KCNIP2: variants seen among roughly 807,000 people sequenced by gnomAD.
KCNIP2 encodes the protein potassium voltage-gated channel interacting protein 2.
KCNIP2 carries 19 observed loss-of-function variants against 39.0 expected under a neutral mutation model. That is an observed-to-expected ratio of 0.49 (90% CI 0.34 to 0.71). The LOEUF is 0.71. Ranked by LOEUF, KCNIP2 falls within the 30% of genes least tolerant of loss-of-function variation. KCNIP2 has a pLI of 0.01. For missense variants in KCNIP2, 261 were observed against 346.0 expected (o/e 0.75, Z 1.95); for synonymous variants, 111 against 131.2 (o/e 0.85, Z 1.05).
Position 101,829,172 on chromosome 10 carries a change from G to A in KCNIP2, c.251C>T (p.Ser84Phe), listed in dbSNP as rs760430839. Residue 84 changes from serine to phenylalanine, a missense_variant, in exon 4 of 10, where the codon TCC becomes TTC. Ser to Phe is a radical substitution (Grantham distance 155, BLOSUM62 -2). Coordinates refer to ENST00000356640, the MANE Select transcript of KCNIP2 (RefSeq NM_173191.3). ...ACCCTCAGGCCGGTGACACACGGTGGACAATTCAAATTCATCGTCCACGCT... is the reference window on the plus strand; with the variant it reads ...ACCCTCAGGCCGGTGACACACGGTGAACAATTCAAATTCATCGTCCACGCT... ...PDSVDDEFEL[S>F]TVCHRPEGLE... 1.2e-6 allele frequency: 2 copies of A among 1,614,020 alleles called. No individual in the cohort carries two copies. The highest frequency in any genetic ancestry group is 1.1e-5 in the South Asian group (1 of 91,082).
In KCNIP2 at chr10:101,828,779, C is replaced by A. The variant is rs1394516618; in HGVS notation, c.349-83G>T. On this transcript the variant is annotated intron_variant, in intron 4 of 9. Transcript: ENST00000356640. The surrounding 1 kb of genome is among the most constrained non-coding windows in gnomAD (Gnocchi z 6.6). Reference sequence around the variant, plus strand: ...CCCCACCCTCCATGGCCCAAGACTCCCAGGGAGGGGGATAATCTTCAAGCC... The same window carrying A: ...CCCCACCCTCCATGGCCCAAGACTCACAGGGAGGGGGATAATCTTCAAGCC... 6.2e-7 allele frequency: 1 copy of A among 1,611,202 alleles called. No homozygotes were observed. Among genetic ancestry groups the A allele is most frequent in the South Asian group, 1.1e-5 (1 of 90,722 alleles).
chr10:101,837,140 T>G (rs1437736354), intron 1 of KCNIP2, among the ~76,000 whole-genome samples: 1 of 152,164 alleles, frequency 6.6e-6, no homozygotes, highest in Non-Finnish European at 1.5e-5. Context: ...AGATAATATT[T>G]ATCCAGCACA....
At chr10:101,830,833 C>T (rs531754181) in intron 2 of KCNIP2, among the ~76,000 whole-genome samples, 5 of 149,294 alleles carry the variant, frequency 3.3e-5, no homozygotes, top group Admixed American at 1.3e-4. Context: ...TAGGGCACGC[C>T]CCCCCACACA....
In KCNIP2 at chr10:101,831,344, C is replaced by T. The variant is rs72546682; in HGVS notation, c.74-177G>A. Among the ~76,000 whole-genome samples the T allele has an allele frequency of 9.4e-3, 1,425 of 152,262 alleles. 19 individuals are homozygous for T. The highest frequency in any genetic ancestry group is 0.033 in the African/African-American group (1,353 of 41,534). ...TCGGGTTAGGGGAGCCCAGTGAGTCCATAGAGGTGAGGCTCAGGCACTTGG... is the reference window on the plus strand; with the variant it reads ...TCGGGTTAGGGGAGCCCAGTGAGTCTATAGAGGTGAGGCTCAGGCACTTGG... On this transcript the variant is annotated intron_variant, in intron 1 of 9. Transcript: ENST00000356640.
rs556862585 is a variant in KCNIP2 at position 101,837,342 on chromosome 10, A to AT, written c.73+6153dup. ...CTGCTTATCTTGGGAAAAAAGAGTG[A>AT]TTTTTTTTCCAAGATAACAGCTGAC... On this transcript the variant is annotated intron_variant, in intron 1 of 9. Transcript: ENST00000356640. Among the ~76,000 whole-genome samples the AT allele has an allele frequency of 1.2e-4, 18 of 151,906 alleles. No homozygotes were observed. In the South Asian group the frequency reaches 2.9e-3, roughly 25 times the overall value.
intron 2 of KCNIP2, chr10:101,830,347 G>A (rs2065924269): frequency 3.3e-6 from 4 of 1,207,410 alleles, no homozygotes; most frequent in African/African-American, 3.2e-5. Context: ...CCATCCTGTC[G>A]GGGCATAGGC....
intron 1 of KCNIP2, among the ~76,000 whole-genome samples, chr10:101,835,074 G>T (rs1487678511): frequency 2.0e-5 from 3 of 152,184 alleles, no homozygotes; most frequent in Non-Finnish European, 2.9e-5. Context: ...TGCATGGGGA[G>T]TGAGGTTCCT....
At chr10:101,829,803 C>T in intron 3 of KCNIP2, 41 bp downstream of exon 3, 2 of 945,670 alleles carry the variant, frequency 2.1e-6, no homozygotes, top group Non-Finnish European at 2.7e-6. Flanking sequence ...GATGGCAAAG[C>T]CGCCCTGCCC....
At position 101,828,125 on chromosome 10, in the gene KCNIP2, C is replaced by A. The variant is rs541911075; in HGVS notation, c.597+26G>T. 6.9e-6 allele frequency: 11 copies of A among 1,601,494 alleles called. No homozygotes were observed. The South Asian group carries it at 1.2e-4, about 18-fold the overall frequency. ...ACGCCACCCCCATCACCGCCACAGACCCCCAGCCCTTCAGTTGCCCTGCAC... is the reference window on the plus strand; with the variant it reads ...ACGCCACCCCCATCACCGCCACAGAACCCCAGCCCTTCAGTTGCCCTGCAC... On this transcript the variant is annotated intron_variant, in intron 7 of 9. Transcript: ENST00000356640. This position sits in a 1 kb window ranked among gnomAD's most constrained non-coding sequence, Gnocchi z 6.6.
chr10:101,829,602 GCCCC>G, intron 3 of KCNIP2: 3 of 202,404 alleles, frequency 1.5e-5, no homozygotes, highest in Non-Finnish European at 2.9e-5. Flanking sequence ...CCCCAGCCTT[GCCCC>G]GCCCAAACCC....
chr10:101,842,931 G>T (rs2066374852), intron 1 of KCNIP2, among the ~76,000 whole-genome samples: 1 of 152,192 alleles, frequency 6.6e-6, no homozygotes, highest in Non-Finnish European at 1.5e-5. Flanking sequence ...GGCTTACAAA[G>T]AGACAAGCCA....
At chr10:101,842,253 A>G (rs139278801) in intron 1 of KCNIP2, among the ~76,000 whole-genome samples, 1 of 152,326 alleles carries the variant, frequency 6.6e-6, no homozygotes, top group East Asian at 1.9e-4. Context: ...ATACATGGAA[A>G]TGTACCCAGG....
intron 2 of KCNIP2, among the ~76,000 whole-genome samples, chr10:101,830,831 GC>G (rs907851127): frequency 3.4e-5 from 5 of 144,966 alleles, no homozygotes; most frequent in African/African-American, 1.3e-4. Flanking sequence ...GGTAGGGCAC[GC>G]CCCCCCACAC....
At position 101,827,946 on chromosome 10, in the gene KCNIP2, G is replaced by A. The variant is rs1192089646; in HGVS notation, c.645C>T (p.Tyr215=). The change falls in exon 8 of 10, where the codon TAC becomes TAT. Residue 215 remains tyrosine (Y), a synonymous_variant. Transcript: ENST00000356640. ...CCTCCTCCCGGAGTGCAGGGTACGT[G>A]TACTTGCCCATCATGTCATAGATGG... is the stretch of plus-strand genomic sequence containing the variant. ...MKSIYDMMGK[Y]TYPALREEAP... 2 of 1,613,954 alleles carry A rather than the reference G, an allele frequency of 1.2e-6. No individual in the cohort carries two copies. The highest frequency in any genetic ancestry group is 2.7e-5 in the African/African-American group (2 of 74,908).
intron 1 of KCNIP2, among the ~76,000 whole-genome samples, chr10:101,839,284 T>A (rs1035258295): frequency 2.0e-5 from 3 of 152,224 alleles, no homozygotes; most frequent in Non-Finnish European, 4.4e-5. Context: ...ATGTATGAAC[T>A]TGCTAGCTGA....
intron 1 of KCNIP2, among the ~76,000 whole-genome samples, chr10:101,839,568 A>T (rs874885): frequency 0.54 from 82,415 of 151,766 alleles, 22,677 homozygotes; most frequent in East Asian, 0.72. Context: ...CCTCCTGCTC[A>T]GTAAGGAGGC....
In KCNIP2 at chr10:101,834,032, C is replaced by T. The variant is rs563538836; in HGVS notation, c.74-2865G>A. ...CACTGCACCCCTCATCACCTCCTGACACCTTGGTCCCCCAGATTCCCTCCT... is the reference window on the plus strand; with the variant it reads ...CACTGCACCCCTCATCACCTCCTGATACCTTGGTCCCCCAGATTCCCTCCT... On this transcript the variant is annotated intron_variant, in intron 1 of 9. Transcript: ENST00000356640. 4.6e-5 allele frequency among the ~76,000 whole-genome samples: 7 copies of T among 152,104 alleles called. No homozygotes were observed. The South Asian group carries it at 1.5e-3, about 32-fold the overall frequency.
In KCNIP2 at chr10:101,843,548, CT is replaced by C; in HGVS notation, c.20del (p.Lys7ArgfsTer29). 6.4e-7 allele frequency: 1 copy of C among 1,566,146 alleles called. No homozygotes were observed. Among genetic ancestry groups the C allele is most frequent in the East Asian group, 2.4e-5 (1 of 40,836 alleles). On this transcript the variant is annotated frameshift_variant, in exon 1 of 10. Coordinates refer to ENST00000356640, the MANE Select transcript of KCNIP2 (RefSeq NM_173191.3). LOFTEE classifies it high-confidence loss of function. This position sits in a 1 kb window ranked among gnomAD's most constrained non-coding sequence, Gnocchi z 6.7. Reference protein sequence around the residue: MRGQGRKESLSDSRDLD... With the variant: MRGQGRXESLSDSRDLD... ...GGTCTCGGGAATCGGACAAACTCTC[CT>C]TGCGGCCCTGGCCCCGCATGGCCCC...
At position 101,828,780 on chromosome 10, in the gene KCNIP2, C is replaced by T; in HGVS notation, c.349-84G>A. 1 of 1,610,874 alleles carries T rather than the reference C, an allele frequency of 6.2e-7. No homozygotes were observed. ...CCCACCCTCCATGGCCCAAGACTCC[C>T]AGGGAGGGGGATAATCTTCAAGCCT... On this transcript the variant is annotated intron_variant, in intron 4 of 9. Coordinates refer to ENST00000356640, the MANE Select transcript of KCNIP2 (RefSeq NM_173191.3). This position sits in a 1 kb window ranked among gnomAD's most constrained non-coding sequence, Gnocchi z 6.6.
Sources: allele counts gnomAD v4.1 joint callset (sites outside exome capture counted in the v4.1 genomes callset), GRCh38; gene constraint gnomAD v4.1.1; non-coding constraint Gnocchi (gnomAD v3.1); transcripts MANE v1.5; gene names NCBI Gene and HGNC (gene_info 2026-07-23, HGNC 2026-07-21).